IVD: variants seen among roughly 807,000 people sequenced by gnomAD.
The protein encoded by IVD is isovaleryl-CoA dehydrogenase.
IVD carries 31 observed loss-of-function variants against 51.3 expected under a neutral mutation model. That is an observed-to-expected ratio of 0.60 (90% CI 0.45 to 0.81). The LOEUF is 0.81. IVD is among the 40% of genes least tolerant of loss of function. The probability of loss-of-function intolerance (pLI) is 0.00; values close to 1 mark genes in which losing one functional copy is unlikely to be tolerated. For synonymous variants in IVD, 205 were observed against 219.4 expected (o/e 0.93, Z 0.58); for missense variants, 475 against 552.0 (o/e 0.86, Z 1.40).
rs76965563 is a variant in IVD at position 40,406,759 on chromosome 15, T to A, written c.144+788T>A. On this transcript the variant is annotated intron_variant, in intron 1 of 11. Transcript: ENST00000487418. The stretch of plus-strand genomic sequence containing the variant: ...CCTCCCAGCAACTCCGTAGTTTATG[T>A]TTATAGCCAGCGAGCGCTCAGAGCT... Among the ~76,000 whole-genome samples the A allele has an allele frequency of 2.6e-3, 397 of 152,318 alleles. 1 individual carries two copies. Among genetic ancestry groups the A allele is most frequent in the Non-Finnish European group, 3.5e-3 (239 of 68,028 alleles).
chr15:40,429,798 CAG>C (rs935703345), intron 7 of IVD, among the ~76,000 whole-genome samples: 3 of 152,220 alleles, frequency 2.0e-5, no homozygotes, highest in Non-Finnish European at 4.4e-5. Flanking sequence ...GCTAAAAGAA[CAG>C]AGTTCTGGGG....
Position 40,417,933 on chromosome 15 carries a change from C to G in IVD, c.1139-197C>G, listed in dbSNP as rs139415253. Among the ~76,000 whole-genome samples, 48 of 152,342 alleles carry G rather than the reference C, an allele frequency of 3.2e-4. 1 individual carries two copies. The East Asian group carries it at 8.3e-3, about 26-fold the overall frequency. ...TACTATCTACGGTTTCAGGCATCCA[C>G]TGGGGTCTTGGAATGTATCCTCCAA... On this transcript the variant is annotated intron_variant, in intron 11 of 11. Transcript: ENST00000487418.
rs375899713 is a variant in IVD at position 40,416,202 on chromosome 15, G to T, written c.1065+20G>T. On this transcript the variant is annotated intron_variant, in intron 10 of 11. Coordinates refer to ENST00000487418, the MANE Select transcript of IVD (RefSeq NM_002225.5). ...GCTAAGGTGAGGGCCAGCCTCAGTCGGGGAGAGGCGGGGGCAGTGGACCAG... is the reference window on the plus strand; with the variant it reads ...GCTAAGGTGAGGGCCAGCCTCAGTCTGGGAGAGGCGGGGGCAGTGGACCAG... 1 of 1,612,804 alleles carries T rather than the reference G, an allele frequency of 6.2e-7. No individual in the cohort carries two copies. Among genetic ancestry groups the T allele is most frequent in the Non-Finnish European group, 8.5e-7 (1 of 1,178,762 alleles).
downstream of IVD, among the ~76,000 whole-genome samples, chr15:40,429,383 C>T (rs73385162): frequency 1.4e-3 from 211 of 152,282 alleles, no homozygotes; most frequent in African/African-American, 4.7e-3. Context: ...AGTAACAGTA[C>T]GGGGCCAAAA....
At chr15:40,414,127 A>G (rs1891395754) in intron 7 of IVD, among the ~76,000 whole-genome samples, 1 of 152,286 alleles carries the variant, frequency 6.6e-6, no homozygotes, top group South Asian at 2.1e-4. Flanking sequence ...CCAAAGTGCC[A>G]GGATTATAGG....
chr15:40,407,699 C>A lies in IVD; in HGVS notation c.208C>A (p.Arg70Ser). Reference protein sequence around the residue: ...HLAPKAQEIDRSNEFKNLREF... With the variant: ...HLAPKAQEIDSSNEFKNLREF... ...GGCCCCCAAGGCCCAGGAGATCGATCGCAGCAATGAGTTCAAGAACCTGCG... is the reference window on the plus strand; with the variant it reads ...GGCCCCCAAGGCCCAGGAGATCGATAGCAGCAATGAGTTCAAGAACCTGCG... Residue 70 changes from arginine (R) to serine (S), a missense_variant, in exon 2 of 12, where the codon CGC becomes AGC. Arg to Ser is a moderately radical substitution (Grantham distance 110). Coordinates refer to ENST00000487418, the MANE Select transcript of IVD (RefSeq NM_002225.5). 6.2e-7 allele frequency: 1 copy of A among 1,614,180 alleles called. No homozygotes were observed. The highest frequency in any genetic ancestry group is 1.1e-5 in the South Asian group (1 of 91,068).
chr15:40,406,387 C>T, intron 1 of IVD: 1 of 1,265,318 alleles, frequency 7.9e-7, no homozygotes, highest in Non-Finnish European at 1.0e-6. Context: ...TCGTAATCAC[C>T]AGGGAGTCTT....
In IVD at chr15:40,413,003, T is replaced by A; in HGVS notation, c.700T>A (p.Phe234Ile). The A allele has an allele frequency of 6.2e-7, 1 of 1,614,044 alleles. No homozygotes were observed. ...GTTTCCTGTAAAGGGTATGCCTGGCTTTAGCACCTCTAAGAAGCTGGACAA... is the reference window on the plus strand; with the variant it reads ...GTTTCCTGTAAAGGGTATGCCTGGCATTAGCACCTCTAAGAAGCTGGACAA... ...AFIVEKGMPG[F>I]STSKKLDKLG... The change falls in exon 7 of 12, where the codon TTT becomes ATT. Residue 234 changes from phenylalanine (F) to isoleucine (I), a missense_variant. Physicochemically the swap from Phe to Ile is conservative, Grantham distance 21 (BLOSUM62 0). Transcript: ENST00000487418.
Position 40,414,945 on chromosome 15 carries a change from G to A in IVD, c.841G>A (p.Asp281Asn), listed in dbSNP as rs369148941. The A allele has an allele frequency of 7.4e-6, 12 of 1,614,052 alleles. No homozygotes were observed. The African/African-American group carries it at 1.6e-4, about 22-fold the overall frequency. ...TGTCTACGTGCTGATGAGTGGGCTGGACCTGGAGCGGCTGGTGCTGGCCGG... is the reference window on the plus strand; with the variant it reads ...TGTCTACGTGCTGATGAGTGGGCTGAACCTGGAGCGGCTGGTGCTGGCCGG... ...KGVYVLMSGL[D>N]LERLVLAGGP... The change falls in exon 8 of 12, where the codon GAC becomes AAC. Residue 281 changes from aspartate (D) to asparagine (N), a missense_variant. Physicochemically the swap from Asp to Asn is conservative, Grantham distance 23. Transcript: ENST00000487418.
downstream of IVD, chr15:40,435,797 G>C (rs1038033889): frequency 2.6e-6 from 2 of 778,082 alleles, no homozygotes; most frequent in Non-Finnish European, 3.1e-6. Context: ...TGCCCGAAGA[G>C]TGCCTGCTCC....
At chr15:40,424,514 G>T, downstream of IVD, 1 of 232,136 alleles carries the variant, frequency 4.3e-6, no homozygotes, top group Non-Finnish European at 8.5e-6. Context: ...ATCCTGGATG[G>T]GTCCCCTTTC....
At position 40,420,659 on chromosome 15, in the gene IVD, G is replaced by A. The variant is rs1441926228; in HGVS notation, c.*2396G>A. Reference sequence around the variant, plus strand: ...TTAAAGGAAGCAGGGAGCCCAGAGTGCTAAGTTCTTACAGCCAGAAGGAAG... The same window carrying A: ...TTAAAGGAAGCAGGGAGCCCAGAGTACTAAGTTCTTACAGCCAGAAGGAAG... On this transcript the variant is annotated 3_prime_UTR_variant, in exon 12 of 12. Coordinates refer to ENST00000487418, the MANE Select transcript of IVD (RefSeq NM_002225.5). 1 of 987,340 alleles carries A rather than the reference G, an allele frequency of 1.0e-6. No homozygotes were observed. The highest frequency in any genetic ancestry group is 1.2e-6 in the Non-Finnish European group (1 of 830,100). 61.2% of individuals were successfully genotyped at this position (987,340 alleles called of 1,614,324 possible).
Position 40,417,381 on chromosome 15 carries a change from G to A in IVD, c.1139-749G>A, listed in dbSNP as rs372270061. 3.8e-4 allele frequency among the ~76,000 whole-genome samples: 57 copies of A among 151,458 alleles called. 4 individuals carry two copies. The highest frequency in any genetic ancestry group is 1.4e-3 in the African/African-American group (56 of 41,176). ...AAATTAGCTGGGTGCAGTGGTGCGCGCCTGTAATCCCAGCTACTCAGGAGG... is the reference window on the plus strand; with the variant it reads ...AAATTAGCTGGGTGCAGTGGTGCGCACCTGTAATCCCAGCTACTCAGGAGG... On this transcript the variant is annotated intron_variant, in intron 11 of 11. Transcript: ENST00000487418.
At chr15:40,423,237 C>A (rs1892468905), downstream of IVD, among the ~76,000 whole-genome samples, 4 of 152,276 alleles carry the variant, frequency 2.6e-5, no homozygotes, top group Middle Eastern at 0.01. Flanking sequence ...GTGTGCCCAG[C>A]CCTTAAATTT....
At chr15:40,432,478 C>A (rs1007721978) in intron 7 of IVD, among the ~76,000 whole-genome samples, 6 of 152,234 alleles carry the variant, frequency 3.9e-5, no homozygotes, top group Non-Finnish European at 8.8e-5. Context: ...ATACTTGTGG[C>A]CCAGACTGTA....
At chr15:40,434,749 T>C (rs977115909) in intron 8 of IVD, among the ~76,000 whole-genome samples, 6 of 152,122 alleles carry the variant, frequency 3.9e-5, no homozygotes, top group African/African-American at 7.2e-5. Context: ...TAAACAAATA[T>C]GAATGGGCAC....
intron 1 of IVD, chr15:40,406,344 G>C (rs1471225168): frequency 7.5e-7 from 1 of 1,335,332 alleles, no homozygotes; most frequent in Admixed American, 2.2e-5. Context: ...CACCTGAACA[G>C]GCTGAGGTAT....
chr15:40,407,544 T>C (rs1439489322), intron 1 of IVD, 92 bp from the exon 2 acceptor site: 2 of 902,322 alleles, frequency 2.2e-6, no homozygotes, highest in Non-Finnish European at 3.8e-6. Flanking sequence ...CTGATGCTGT[T>C]TGGGGAAGTT....
downstream of IVD, among the ~76,000 whole-genome samples, chr15:40,422,439 A>G (rs112864012): frequency 9.2e-5 from 14 of 151,716 alleles, no homozygotes; most frequent in African/African-American, 3.1e-4. Context: ...GCCCGCCACC[A>G]TGCCCGGCTA....
Sources: allele counts gnomAD v4.1 joint callset (sites outside exome capture counted in the v4.1 genomes callset), GRCh38; gene constraint gnomAD v4.1.1; transcripts MANE v1.5; gene names NCBI Gene and HGNC (gene_info 2026-07-23, HGNC 2026-07-21).